The following SCNN1B variants were observed in gnomAD, a reference collection of about 807,000 sequenced individuals.
SCNN1B encodes sodium channel epithelial 1 subunit beta.
A neutral mutation model predicts 65.3 loss-of-function variants in SCNN1B; 46 were observed. That is an observed-to-expected ratio of 0.70 (90% CI 0.56 to 0.90). The LOEUF is 0.90. Ranked by LOEUF, SCNN1B falls within the 40% of genes least tolerant of loss-of-function variation. The pLI is 0.00. For synonymous variants in SCNN1B, 349 were observed against 330.6 expected (o/e 1.06, Z -0.60); for missense variants, 751 against 830.5 (o/e 0.90, Z 1.18).
intron 11 of SCNN1B, among the ~76,000 whole-genome samples, chr16:23,379,038 C>CAG (rs1962974612): frequency 2.1e-5 from 3 of 144,360 alleles, no homozygotes; most frequent in African/African-American, 8.1e-5. Flanking sequence ...CACCCACGCG[C>CAG]CCAGCCATCC....
intron 1 of SCNN1B, among the ~76,000 whole-genome samples, chr16:23,314,643 A>T (rs1961412905): frequency 6.6e-6 from 1 of 152,074 alleles, no homozygotes; most frequent in Non-Finnish European, 1.5e-5. Flanking sequence ...TCTCTGTGAC[A>T]TGGCTCTCGA....
intron 2 of SCNN1B, 80 bp from the exon 3 acceptor site, chr16:23,352,721 A>G (rs1962334999): frequency 6.7e-7 from 1 of 1,486,456 alleles, no homozygotes; most frequent in Non-Finnish European, 9.4e-7. Context: ...ACAGACTACT[A>G]TGGAGTGGGT....
chr16:23,361,145 G>GT (rs1215201337), intron 4 of SCNN1B, among the ~76,000 whole-genome samples: 7 of 152,142 alleles, frequency 4.6e-5, no homozygotes, highest in Admixed American at 2.0e-4. Context: ...TGCCAGGCTG[G>GT]TCTCAAACTT....
At chr16:23,296,020 C>T (rs751954834) in intron 2 of SCNN1B, among the ~76,000 whole-genome samples, 1 of 152,152 alleles carries the variant, frequency 6.6e-6, no homozygotes, top group South Asian at 2.1e-4. Context: ...TGGGGCTCTG[C>T]GGTTGGATTT....
intron 1 of SCNN1B, among the ~76,000 whole-genome samples, chr16:23,314,649 C>T (rs942501899): frequency 1.3e-5 from 2 of 152,082 alleles, no homozygotes; most frequent in East Asian, 3.9e-4. Context: ...TGACATGGCT[C>T]TCGAAGCCTT....
chr16:23,297,063 G>A (rs1276294682), intron 2 of SCNN1B, among the ~76,000 whole-genome samples: 3 of 151,786 alleles, frequency 2.0e-5, no homozygotes, highest in Admixed American at 6.6e-5. Flanking sequence ...AATGGAATAA[G>A]GATTCCACCA....
chr16:23,353,178 A>T (rs1962348386), intron 3 of SCNN1B, 104 bp downstream of exon 3: 2 of 1,362,676 alleles, frequency 1.5e-6, no homozygotes, highest in Admixed American at 3.5e-5. Flanking sequence ...GAAAGACAAG[A>T]TGGAAGCCAG....
chr16:23,315,159 A>T (rs1961426582), intron 1 of SCNN1B, among the ~76,000 whole-genome samples: 1 of 152,006 alleles, frequency 6.6e-6, no homozygotes, highest in South Asian at 2.1e-4. Flanking sequence ...CAACATGGAG[A>T]AATCCCCGTT....
intron 1 of SCNN1B, among the ~76,000 whole-genome samples, chr16:23,313,756 C>T (rs929524338): frequency 6.6e-6 from 1 of 152,124 alleles, no homozygotes; most frequent in Non-Finnish European, 1.5e-5. Context: ...GTACTATAGG[C>T]ACGCGCCACC....
intron 4 of SCNN1B, among the ~76,000 whole-genome samples, chr16:23,360,185 G>A (rs982942584): frequency 6.2e-4 from 83 of 133,384 alleles, no homozygotes; most frequent in African/African-American, 1.8e-3. Context: ...GAGAGAGAGC[G>A]AGACTCCATC....
At chr16:23,294,265 G>A (rs749181081) in intron 2 of SCNN1B, among the ~76,000 whole-genome samples, 23 of 151,684 alleles carry the variant, frequency 1.5e-4, no homozygotes, top group Non-Finnish European at 2.9e-4. Flanking sequence ...GCGAGATGGC[G>A]TGCAACCTGT....
rs1962343294 is a variant in SCNN1B, at chr16:23,353,002, C to T, written c.513C>T (p.His171=). ...TCCTTGATCTCTTTGGAGACAACCACAATGGCTTAACAAGCAGCTCAGCAT... is the reference window on the plus strand; with the variant it reads ...TCCTTGATCTCTTTGGAGACAACCATAATGGCTTAACAAGCAGCTCAGCAT... The part of the protein sequence containing the change: ...PMVLDLFGDN[H]NGLTSSSASE... Residue 171 remains histidine (H), a synonymous_variant, in exon 3 of 13, where the codon CAC becomes CAT. Transcript: ENST00000343070. 1 of 1,614,194 alleles carries T rather than the reference C, an allele frequency of 6.2e-7. No homozygotes were observed. Among genetic ancestry groups the T allele is most frequent in the Non-Finnish European group, 8.5e-7 (1 of 1,180,046 alleles).
chr16:23,361,349 C>A (rs1469620833), intron 4 of SCNN1B, among the ~76,000 whole-genome samples: 1 of 152,212 alleles, frequency 6.6e-6, no homozygotes, highest in Non-Finnish European at 1.5e-5. Context: ...CAGATGTGAG[C>A]CACTGTGCTG....
intron 1 of SCNN1B, among the ~76,000 whole-genome samples, chr16:23,340,016 T>C (rs1421275654): frequency 6.6e-6 from 1 of 152,094 alleles, no homozygotes. Flanking sequence ...TGATAGCTCA[T>C]TGTGGGTGGT....
intron 1 of SCNN1B, among the ~76,000 whole-genome samples, chr16:23,345,840 G>A (rs549854480): frequency 1.3e-5 from 2 of 152,334 alleles, no homozygotes; most frequent in African/African-American, 4.8e-5. Flanking sequence ...GCTCTCAGAG[G>A]GGGTGAGGGT....
rs1963012847 is a variant in SCNN1B, at chr16:23,380,239, A to G, written c.1542+70A>G. The G allele has an allele frequency of 4.0e-6, 6 of 1,506,406 alleles. No individual in the cohort carries two copies. In the South Asian group the frequency reaches 6.8e-5, roughly 17 times the overall value. 93.3% of individuals were successfully genotyped at this position (1,506,406 alleles called of 1,614,324 possible). On this transcript the variant is annotated intron_variant, in intron 12 of 12. Coordinates refer to ENST00000343070, the MANE Select transcript of SCNN1B (RefSeq NM_000336.3). This position sits in a 1 kb window ranked among gnomAD's most constrained non-coding sequence, Gnocchi z 5.4. ...ACCCCTGCACCCTGAGGGTGGGGGA[A>G]GGGTTCTGAGCCCTATGAAGGAATT...
At chr16:23,357,877 G>C (rs1596869103) in intron 4 of SCNN1B, among the ~76,000 whole-genome samples, 1 of 152,148 alleles carries the variant, frequency 6.6e-6, no homozygotes, top group Non-Finnish European at 1.5e-5. Flanking sequence ...ATAAGGCTAG[G>C]GATACCAAAC....
At chr16:23,357,657 T>G (rs745696223) in intron 4 of SCNN1B, among the ~76,000 whole-genome samples, 1 of 152,230 alleles carries the variant, frequency 6.6e-6, no homozygotes, top group African/African-American at 2.4e-5. Context: ...TCAAGGCCAC[T>G]AAGCAGGACA....
At chr16:23,378,807 G>A (rs765493584) in intron 11 of SCNN1B, 40 bp downstream of exon 11, 2 of 1,596,602 alleles carry the variant, frequency 1.3e-6, no homozygotes, top group Non-Finnish European at 1.7e-6. Flanking sequence ...AGACAGGGAA[G>A]GGGTCCAGAA....
Sources: allele counts gnomAD v4.1 joint callset (sites outside exome capture counted in the v4.1 genomes callset), GRCh38; gene constraint gnomAD v4.1.1; non-coding constraint Gnocchi (gnomAD v3.1); transcripts MANE v1.5; gene names NCBI Gene and HGNC (gene_info 2026-07-23, HGNC 2026-07-21).